The following PCDH15 variants were observed in gnomAD, a reference collection of about 807,000 sequenced individuals.
PCDH15 encodes protocadherin-15.
PCDH15 carries 129 observed loss-of-function variants against 178.5 expected under a neutral mutation model. The observed-to-expected ratio is 0.72, with a 90% confidence interval of 0.63 to 0.84. PCDH15 has a LOEUF of 0.84. Among genes scored for constraint, PCDH15 ranks in the 40% least tolerant of loss-of-function variants. PCDH15 has a pLI of 0.00. For synonymous variants in PCDH15, 800 were observed against 732.0 expected (o/e 1.09, Z -1.50); for missense variants, 2,230 against 2,099.9 (o/e 1.06, Z -1.21).
chr10:54,336,141 A>G (rs7913271), intron 6 of PCDH15, among the ~76,000 whole-genome samples: 4,749 of 152,306 alleles, frequency 0.031, 231 homozygotes, highest in African/African-American at 0.11. Context: ...GTTTCTAAGT[A>G]GCAAAACATT....
At chr10:55,436,805 G>A (rs1423246795) in intron 2 of PCDH15, among the ~76,000 whole-genome samples, 1 of 152,184 alleles carries the variant, frequency 6.6e-6, no homozygotes, top group African/African-American at 2.4e-5. Flanking sequence ...TGGTAACTAT[G>A]AAGATAGGTG....
At chr10:55,048,747 A>G (rs1351142460) in intron 2 of PCDH15, among the ~76,000 whole-genome samples, 1 of 151,872 alleles carries the variant, frequency 6.6e-6, no homozygotes, top group African/African-American at 2.4e-5. Flanking sequence ...ACTGCCTCTA[A>G]ACCTAGAAAT....
chr10:55,538,063 T>TA (rs1056525364), intron 2 of PCDH15, among the ~76,000 whole-genome samples: 1 of 152,164 alleles, frequency 6.6e-6, no homozygotes, highest in African/African-American at 2.4e-5. Context: ...TGAGAAATGA[T>TA]AGACATCCAG....
intron 21 of PCDH15, among the ~76,000 whole-genome samples, chr10:53,967,476 T>C (rs760142377): frequency 6.6e-6 from 1 of 152,342 alleles, no homozygotes; most frequent in Non-Finnish European, 1.5e-5. Flanking sequence ...TTCTTTATGT[T>C]GCCCAGGTTG....
intron 26 of PCDH15, among the ~76,000 whole-genome samples, chr10:53,896,994 T>C (rs1390423265): frequency 6.6e-6 from 1 of 152,206 alleles, no homozygotes; most frequent in East Asian, 1.9e-4. Flanking sequence ...TGTGATGCAC[T>C]TCAGTCATCC....
chr10:54,918,766 C>T (rs1316242404), intron 2 of PCDH15, among the ~76,000 whole-genome samples: 1 of 152,100 alleles, frequency 6.6e-6, no homozygotes, highest in Non-Finnish European at 1.5e-5. Flanking sequence ...ATATTGTTCT[C>T]CTTAGCAGTC....
At chr10:55,194,087 T>C (rs1430240461) in intron 1 of PCDH15, among the ~76,000 whole-genome samples, 4 of 152,198 alleles carry the variant, frequency 2.6e-5, no homozygotes, top group African/African-American at 9.6e-5. Flanking sequence ...GATATTATTA[T>C]TCTCACCATC....
At chr10:55,560,177 G>A (rs990611098) in intron 2 of PCDH15, among the ~76,000 whole-genome samples, 1 of 151,766 alleles carries the variant, frequency 6.6e-6, no homozygotes, top group Non-Finnish European at 1.5e-5. Context: ...TTAGGTCCAG[G>A]AAAAAATGTA....
chr10:54,372,799 C>A (rs546509488), intron 4 of PCDH15, among the ~76,000 whole-genome samples: 2 of 151,882 alleles, frequency 1.3e-5, no homozygotes, highest in South Asian at 2.1e-4. Context: ...CCTAAACATG[C>A]AAGCTATTCT....
At chr10:55,541,492 T>G (rs1456493492) in intron 2 of PCDH15, among the ~76,000 whole-genome samples, 1 of 151,986 alleles carries the variant, frequency 6.6e-6, no homozygotes, top group Admixed American at 6.6e-5. Flanking sequence ...TGTTATGTTG[T>G]TTTATGTAAC....
chr10:53,929,188 T>A (rs2084828140), intron 25 of PCDH15, among the ~76,000 whole-genome samples: 1 of 152,102 alleles, frequency 6.6e-6, no homozygotes, highest in African/African-American at 2.4e-5. Context: ...GTTTCAGAAA[T>A]GTATTAATAA....
At chr10:54,903,818 T>G (rs973832359) in intron 2 of PCDH15, among the ~76,000 whole-genome samples, 2 of 152,118 alleles carry the variant, frequency 1.3e-5, no homozygotes, top group Admixed American at 6.6e-5. Flanking sequence ...ATTGCAGTGT[T>G]TCAATAGTTA....
rs1415632745 is a variant in PCDH15 at position 53,803,402 on chromosome 10, A to C, written c.*3177T>G. The C allele has an allele frequency of 6.6e-6, 1 of 151,970 alleles. No homozygotes were observed. Among genetic ancestry groups the C allele is most frequent in the Non-Finnish European group, 1.5e-5 (1 of 67,890 alleles). 9.4% of individuals were successfully genotyped at this position (151,970 alleles called of 1,614,324 possible). On this transcript the variant is annotated 3_prime_UTR_variant, in exon 38 of 38. Transcript: ENST00000644397. Reference sequence around the variant, plus strand: ...ATATTCAATTACTTCTGGCTCTATGATATAAAAATGTTTTTAAATAATATT... The same window carrying C: ...ATATTCAATTACTTCTGGCTCTATGCTATAAAAATGTTTTTAAATAATATT...
chr10:54,548,866 T>C (rs1212382630), intron 2 of PCDH15, among the ~76,000 whole-genome samples: 2 of 151,238 alleles, frequency 1.3e-5, no homozygotes, highest in Non-Finnish European at 3.0e-5. Flanking sequence ...TGGGGTTTAT[T>C]GTGTAGGGAA....
At chr10:55,531,027 T>C (rs11004900) in intron 2 of PCDH15, among the ~76,000 whole-genome samples, 8 of 151,886 alleles carry the variant, frequency 5.3e-5, no homozygotes, top group South Asian at 2.1e-4. Flanking sequence ...GTTTGTTTGT[T>C]TGTTTCAGCA....
intron 26 of PCDH15, among the ~76,000 whole-genome samples, chr10:53,890,533 T>G: frequency 6.6e-6 from 1 of 152,328 alleles, no homozygotes; most frequent in Non-Finnish European, 1.5e-5. Flanking sequence ...CCTCACTGAC[T>G]TTTGTCCTTT....
At chr10:55,468,835 CT>C (rs1285714342) in intron 2 of PCDH15, among the ~76,000 whole-genome samples, 1 of 152,160 alleles carries the variant, frequency 6.6e-6, no homozygotes, top group Non-Finnish European at 1.5e-5. Context: ...ATATCTCCAG[CT>C]TTAAAGCAAG....
chr10:54,535,772 A>C lies in PCDH15; in HGVS notation c.92-7895T>G, dbSNP rs186974381. Among the ~76,000 whole-genome samples the C allele has an allele frequency of 5.9e-5, 9 of 151,912 alleles. No individual in the cohort carries two copies. In the East Asian group the frequency reaches 1.7e-3, roughly 29 times the overall value. The stretch of plus-strand genomic sequence containing the variant: ...TCTAGGGGCTTTAGGAAAAAGGCAG[A>C]ATATGAAATAAATTGTCAGTAGAAG... On this transcript the variant is annotated intron_variant, in intron 2 of 37. Transcript: ENST00000644397.
At chr10:55,412,342 C>CTTGACA in intron 2 of PCDH15, among the ~76,000 whole-genome samples, 1 of 152,104 alleles carries the variant, frequency 6.6e-6, no homozygotes, top group East Asian at 1.9e-4. Context: ...CCAATATTCT[C>CTTGACA]TTGACATCTC....
Sources: allele counts gnomAD v4.1 joint callset (sites outside exome capture counted in the v4.1 genomes callset), GRCh38; gene constraint gnomAD v4.1.1; transcripts MANE v1.5; gene names NCBI Gene and HGNC (gene_info 2026-07-23, HGNC 2026-07-21).